The following CAST variants were observed in gnomAD, a reference collection of about 807,000 sequenced individuals.
CAST encodes MIR583 host.
Under a neutral mutation model 119.6 loss-of-function variants are expected in CAST, and 76 were observed. That is an observed-to-expected ratio of 0.64 (90% confidence interval 0.53 to 0.77). The LOEUF is 0.77. Among genes scored for constraint, CAST ranks in the 30% least tolerant of loss-of-function variants. The pLI, the probability that CAST is intolerant of heterozygous loss-of-function variation, is 0.00. For synonymous variants in CAST, 319 were observed against 331.6 expected (o/e 0.96, Z 0.41); for missense variants, 953 against 946.5 (o/e 1.01, Z -0.09).
chr5:96,544,702 G>A (rs1380501), intron 1 of CAST, among the ~76,000 whole-genome samples: 95,190 of 151,396 alleles, frequency 0.63, 30,112 homozygotes, highest in East Asian at 0.86. Flanking sequence ...AGGAGATTTA[G>A]AAAAATAAGT....
At chr5:96,768,312 G>T (rs560460971) in intron 29 of CAST, 23 of 412,676 alleles carry the variant, frequency 5.6e-5, no homozygotes, top group African/African-American at 4.8e-4. Flanking sequence ...TCGAGCTCTT[G>T]GGCTCAAGTG....
At chr5:96,109,470 C>T in the CAST span, among the ~76,000 whole-genome samples, 1 of 152,146 alleles carries the variant, frequency 6.6e-6, no homozygotes, top group African/African-American at 2.4e-5. Context: ...GTTGATGAGG[C>T]TTTGAGACTC....
intron 2 of CAST, among the ~76,000 whole-genome samples, chr5:96,695,414 A>G (rs888526950): frequency 6.6e-6 from 1 of 152,150 alleles, no homozygotes; most frequent in African/African-American, 2.4e-5. Flanking sequence ...ATCTTTGTAG[A>G]AAAATACTTT....
chr5:96,670,830 A>G (rs898115336), intron 1 of CAST, among the ~76,000 whole-genome samples: 2 of 152,190 alleles, frequency 1.3e-5, no homozygotes, highest in African/African-American at 4.8e-5. Context: ...TTTGTGTGAC[A>G]TGTTCCCTTG....
chr5:96,400,725 G>T, the CAST span, among the ~76,000 whole-genome samples: 1 of 152,164 alleles, frequency 6.6e-6, no homozygotes, highest in African/African-American at 2.4e-5. Context: ...AGCTATTTGA[G>T]CTCACTCTTG....
chr5:96,361,848 G>GTTATACTT, the CAST span, among the ~76,000 whole-genome samples: 1 of 60,918 alleles, frequency 1.6e-5, no homozygotes, highest in African/African-American at 6.7e-5. Context: ...TTTTTTTTTA[G>GTTATACTT]TTATACTTTA....
the CAST span, among the ~76,000 whole-genome samples, chr5:96,227,740 T>A: frequency 6.6e-6 from 1 of 152,200 alleles, no homozygotes; most frequent in Non-Finnish European, 1.5e-5. Flanking sequence ...GAGCTCTATC[T>A]TAGATATCAG....
the CAST span, among the ~76,000 whole-genome samples, chr5:96,066,809 A>G: frequency 6.6e-6 from 1 of 151,782 alleles, no homozygotes; most frequent in Non-Finnish European, 1.5e-5. Flanking sequence ...ACAGGCATGC[A>G]CCACCATGCC....
chr5:96,070,572 G>A, the CAST span, among the ~76,000 whole-genome samples: 4 of 152,190 alleles, frequency 2.6e-5, no homozygotes, highest in African/African-American at 4.8e-5. Context: ...TTCTCATTTA[G>A]CAGCTGGGTG....
At chr5:96,278,647 C>G in the CAST span, 1 of 152,124 alleles carries the variant, frequency 6.6e-6, no homozygotes, top group Non-Finnish European at 1.5e-5. Context: ...GAAGATGTCC[C>G]CTGCCTACGA....
At chr5:96,059,423 A>G in the CAST span, among the ~76,000 whole-genome samples, 1 of 152,180 alleles carries the variant, frequency 6.6e-6, no homozygotes, top group South Asian at 2.1e-4. Context: ...CCCTGCAATA[A>G]TAGCACGGCA....
chr5:96,025,658 G>A, the CAST span, among the ~76,000 whole-genome samples: 4 of 152,222 alleles, frequency 2.6e-5, no homozygotes, highest in East Asian at 7.7e-4. Flanking sequence ...CATAAACAAA[G>A]GTAAAATTGT....
At chr5:96,169,698 C>T in the CAST span, among the ~76,000 whole-genome samples, 1 of 151,772 alleles carries the variant, frequency 6.6e-6, no homozygotes, top group African/African-American at 2.4e-5. Flanking sequence ...TGATCGGTCA[C>T]CAAGGAGGGA....
chr5:96,465,720 T>A, the CAST span, among the ~76,000 whole-genome samples: 1 of 152,150 alleles, frequency 6.6e-6, no homozygotes, highest in African/African-American at 2.4e-5. Context: ...CTTTGTCCAA[T>A]TGAGGATGTT....
the CAST span, among the ~76,000 whole-genome samples, chr5:96,020,017 A>G: frequency 6.6e-6 from 1 of 152,170 alleles, no homozygotes; most frequent in African/African-American, 2.4e-5. Context: ...ATTTTTTTCT[A>G]TATATATGTT....
intron 1 of CAST, among the ~76,000 whole-genome samples, chr5:96,670,352 C>G (rs1749900386): frequency 6.6e-6 from 1 of 151,926 alleles, no homozygotes; most frequent in African/African-American, 2.4e-5. Context: ...TAAAAGAAGC[C>G]TCATACTTTA....
intron 1 of CAST, among the ~76,000 whole-genome samples, chr5:96,622,159 G>A (rs1226970966): frequency 1.8e-4 from 27 of 151,548 alleles, no homozygotes; most frequent in Middle Eastern, 6.8e-3. Flanking sequence ...TAGTAGAGAC[G>A]GGGTTTCACC....
the CAST span, among the ~76,000 whole-genome samples, chr5:96,160,008 C>T: frequency 2.6e-5 from 4 of 151,526 alleles, no homozygotes; most frequent in Non-Finnish European, 4.4e-5. Flanking sequence ...GGCATGGTGG[C>T]ATGCACCTGT....
chr5:96,362,425 G>A, the CAST span, among the ~76,000 whole-genome samples: 1 of 152,194 alleles, frequency 6.6e-6, no homozygotes, highest in South Asian at 2.1e-4. Context: ...TTCCACAATG[G>A]TTGAACTAGT....
Sources: allele counts gnomAD v4.1 joint callset (sites outside exome capture counted in the v4.1 genomes callset), GRCh38; gene constraint gnomAD v4.1.1; transcripts MANE v1.5; gene names NCBI Gene and HGNC (gene_info 2026-07-23, HGNC 2026-07-21).